Variants in ADIPOR2 observed in about 807,000 individuals in gnomAD.
ADIPOR2 encodes the protein adiponectin receptor 2.
Under a neutral mutation model 40.9 loss-of-function variants are expected in ADIPOR2, and 18 were observed. The ratio of observed to expected loss-of-function variants is 0.44; its 90% CI spans 0.30 to 0.65. The LOEUF is 0.65. ADIPOR2 is among the 30% of genes least tolerant of loss of function. The pLI is 0.09. For synonymous variants in ADIPOR2, 165 were observed against 166.4 expected (o/e 0.99, Z 0.06); for missense variants, 283 against 479.2 (o/e 0.59, Z 3.82).
At chr12:1,723,450 C>T (rs2094701592) in intron 1 of ADIPOR2, among the ~76,000 whole-genome samples, 1 of 130,690 alleles carries the variant, frequency 7.7e-6, no homozygotes, top group Non-Finnish European at 1.6e-5. Flanking sequence ...CATAGTGAAA[C>T]CCCGTCTCTA....
At position 1,781,308 on chromosome 12, in the gene ADIPOR2, A is replaced by G. The variant is rs138756817; in HGVS notation, c.838+232A>G. 2.7e-4 allele frequency among the ~76,000 whole-genome samples: 41 copies of G among 152,186 alleles called. No individual in the cohort carries two copies. The highest frequency in any genetic ancestry group is 9.6e-4 in the African/African-American group (40 of 41,496). The stretch of plus-strand genomic sequence containing the variant: ...GCATTAGGGTTGAGGGGTCATGGTG[A>G]GTATGAGGTGATATAATTTGGGACT... On this transcript the variant is annotated intron_variant, in intron 6 of 7. Transcript: ENST00000357103.
At chr12:1,691,635 T>A (rs975756799) in intron 1 of ADIPOR2, among the ~76,000 whole-genome samples, 9 of 152,206 alleles carry the variant, frequency 5.9e-5, no homozygotes, top group Non-Finnish European at 8.8e-5. Flanking sequence ...ATGGGCTCTC[T>A]CAGCGCTACT....
At chr12:1,695,111 G>T (rs1370753643) in intron 1 of ADIPOR2, among the ~76,000 whole-genome samples, 3 of 151,522 alleles carry the variant, frequency 2.0e-5, no homozygotes, top group African/African-American at 7.3e-5. Context: ...GACCTCCCGG[G>T]CTCAAGCGAT....
chr12:1,761,293 T>G (rs893253302), intron 2 of ADIPOR2, among the ~76,000 whole-genome samples: 1 of 152,230 alleles, frequency 6.6e-6, no homozygotes, highest in Admixed American at 6.5e-5. Flanking sequence ...GTTTCCACTT[T>G]TCGACTGTTG....
At chr12:1,712,107 C>T (rs2154441797) in intron 1 of ADIPOR2, among the ~76,000 whole-genome samples, 1 of 152,200 alleles carries the variant, frequency 6.6e-6, no homozygotes, top group Middle Eastern at 3.4e-3. Context: ...CTTTGTATCC[C>T]ATTCTTCACA....
At position 1,788,437 on chromosome 12, in the gene ADIPOR2, T is replaced by G. The variant is rs1862883403; in HGVS notation, c.*2365T>G. The G allele has an allele frequency of 6.5e-6, 1 of 152,674 alleles. No individual in the cohort carries two copies. Among genetic ancestry groups the G allele is most frequent in the Non-Finnish European group, 1.5e-5 (1 of 68,052 alleles). The allele number at this position is 152,674 out of a possible 1,614,324, so 9.5% of individuals were successfully genotyped here. A position where few individuals can be genotyped will look rare whatever the true frequency, so the allele number is the denominator to read the frequency against. On this transcript the variant is annotated 3_prime_UTR_variant, in exon 8 of 8. Transcript: ENST00000357103. ...CTTGCTCTGTGCAGATTTTTAATTT[T>G]CTTTTTTGGCCCTAGGCTGGTTGGG...
intron 1 of ADIPOR2, among the ~76,000 whole-genome samples, chr12:1,717,273 A>T (rs1385731686): frequency 6.6e-6 from 1 of 152,168 alleles, no homozygotes; most frequent in African/African-American, 2.4e-5. Context: ...AAATTTTCTG[A>T]GTCACTTCTT....
intron 1 of ADIPOR2, among the ~76,000 whole-genome samples, chr12:1,698,590 A>G (rs1022597625): frequency 1.3e-5 from 2 of 152,074 alleles, no homozygotes; most frequent in Non-Finnish European, 2.9e-5. Flanking sequence ...TCTTCTTTTT[A>G]GTAGTTCTCT....
intron 1 of ADIPOR2, among the ~76,000 whole-genome samples, chr12:1,708,221 C>G (rs1413747201): frequency 1.3e-5 from 2 of 149,046 alleles, no homozygotes; most frequent in Non-Finnish European, 3.0e-5. Flanking sequence ...CTTGAGCATC[C>G]TCGAATTTTG....
Position 1,780,803 on chromosome 12 carries a change from T to G in ADIPOR2, c.651-86T>G, listed in dbSNP as rs1592633338. 4 of 1,403,502 alleles carry G rather than the reference T, an allele frequency of 2.9e-6. No homozygotes were observed. In the East Asian group the frequency reaches 9.6e-5, roughly 34 times the overall value. 86.9% of individuals were successfully genotyped at this position (1,403,502 alleles called of 1,614,324 possible). On this transcript the variant is annotated intron_variant, in intron 5 of 7. Coordinates refer to ENST00000357103, the MANE Select transcript of ADIPOR2 (RefSeq NM_024551.3). ...TTGGCTCTTAGGTGTCGTTGATGGC[T>G]TATGTCATGAGGGATTAATTGGAAC...
At chr12:1,725,661 C>T (rs2094706499) in intron 1 of ADIPOR2, among the ~76,000 whole-genome samples, 1 of 152,086 alleles carries the variant, frequency 6.6e-6, no homozygotes, top group Admixed American at 6.5e-5. Context: ...CTTTGCCAGG[C>T]AATGTTCTAG....
chr12:1,786,000 C>G lies in ADIPOR2; in HGVS notation c.1089C>G (p.Phe363Leu). Residue 363 changes from phenylalanine to leucine, a missense_variant, in exon 8 of 8, where the codon TTC becomes TTG. Phe to Leu is a conservative substitution (Grantham distance 22). Coordinates refer to ENST00000357103, the MANE Select transcript of ADIPOR2 (RefSeq NM_024551.3). The stretch of plus-strand genomic sequence containing the variant: ...TGGTTGCTGGAGCTTTTGTTCACTT[C>G]CATGGTGTCTCAAACCTCCAGGAGT... ...IFVVAGAFVH[F>L]HGVSNLQEFR... The G allele has an allele frequency of 6.2e-7, 1 of 1,614,162 alleles. No individual in the cohort carries two copies. Among genetic ancestry groups the G allele is most frequent in the Non-Finnish European group, 8.5e-7 (1 of 1,180,022 alleles).
At chr12:1,759,213 T>A (rs1251406354) in intron 2 of ADIPOR2, among the ~76,000 whole-genome samples, 2 of 152,258 alleles carry the variant, frequency 1.3e-5, no homozygotes, top group East Asian at 3.8e-4. Context: ...TGTAATGGGT[T>A]TTCTGTTTAT....
At chr12:1,772,308 A>G (rs1458748865) in intron 2 of ADIPOR2, among the ~76,000 whole-genome samples, 3 of 152,248 alleles carry the variant, frequency 2.0e-5, no homozygotes, top group Admixed American at 6.5e-5. Flanking sequence ...TTAAATGGGA[A>G]TGAGAATACT....
chr12:1,773,451 A>T (rs911965057), intron 3 of ADIPOR2, among the ~76,000 whole-genome samples: 1 of 150,766 alleles, frequency 6.6e-6, no homozygotes, highest in Non-Finnish European at 1.5e-5. Context: ...GCTGGTATAC[A>T]TTCTGTCTCT....
intron 1 of ADIPOR2, among the ~76,000 whole-genome samples, chr12:1,710,736 GT>G (rs2094674943): frequency 6.6e-6 from 1 of 152,070 alleles, no homozygotes; most frequent in African/African-American, 2.4e-5. Context: ...CAAAAAGTTG[GT>G]TGACCCTGTA....
At chr12:1,718,282 A>G (rs1433584247) in intron 1 of ADIPOR2, among the ~76,000 whole-genome samples, 1 of 152,142 alleles carries the variant, frequency 6.6e-6, no homozygotes, top group Non-Finnish European at 1.5e-5. Flanking sequence ...AGATATTTCA[A>G]GTTCTTGAAA....
chr12:1,782,744 A>G (rs1862742497), intron 6 of ADIPOR2, among the ~76,000 whole-genome samples: 1 of 152,134 alleles, frequency 6.6e-6, no homozygotes, highest in Admixed American at 6.5e-5. Flanking sequence ...AAAACATTAG[A>G]TGCTTCTGGA....
chr12:1,759,314 A>G (rs188588831), intron 2 of ADIPOR2, among the ~76,000 whole-genome samples: 90 of 152,294 alleles, frequency 5.9e-4, no homozygotes, highest in African/African-American at 2.1e-3. Context: ...TCCCTCTTTT[A>G]GAAGATGCAG....
Sources: allele counts gnomAD v4.1 joint callset (sites outside exome capture counted in the v4.1 genomes callset), GRCh38; gene constraint gnomAD v4.1.1; transcripts MANE v1.5; gene names NCBI Gene and HGNC (gene_info 2026-07-23, HGNC 2026-07-21).